Variants in DGKH observed in about 807,000 individuals in gnomAD.
The protein encoded by DGKH is DAG kinase eta.
A neutral mutation model predicts 159.3 loss-of-function variants in DGKH; 90 were observed. The observed-to-expected ratio is 0.57, with a 90% CI of 0.48 to 0.67. The LOEUF (loss-of-function observed/expected upper bound fraction) is 0.67. Among genes scored for constraint, DGKH ranks in the 30% least tolerant of loss-of-function variants. The pLI is 0.00. For synonymous variants in DGKH, 536 were observed against 553.8 expected (o/e 0.97, Z 0.45); for missense variants, 1,181 against 1,506.1 (o/e 0.78, Z 3.57).
rs560264182 is a variant in DGKH, at chr13:42,171,320, G to C, written c.1367+2502G>C. On this transcript the variant is annotated intron_variant, in intron 11 of 29. Coordinates refer to ENST00000337343, the MANE Select transcript of DGKH (RefSeq NM_178009.5). ...TAAACTGCAATCCCTGCTCTGTCTAGTGTCCAGGGTCCTTTCTCAACTCTG... is the reference window on the plus strand; with the variant it reads ...TAAACTGCAATCCCTGCTCTGTCTACTGTCCAGGGTCCTTTCTCAACTCTG... 2.0e-5 allele frequency among the ~76,000 whole-genome samples: 3 copies of C among 152,226 alleles called. No homozygotes were observed. In the South Asian group the frequency reaches 6.2e-4, roughly 32 times the overall value.
intron 14 of DGKH, among the ~76,000 whole-genome samples, chr13:42,187,767 C>T (rs893268696): frequency 6.6e-6 from 1 of 152,186 alleles, no homozygotes; most frequent in Admixed American, 6.5e-5. Flanking sequence ...TTTCCATTTC[C>T]AAGCAGATTT....
intron 1 of DGKH, among the ~76,000 whole-genome samples, chr13:42,049,187 AGGGGTGGGGCG>A (rs1881060888): frequency 8.1e-4 from 1 of 1,232 alleles, no homozygotes; most frequent in East Asian, 0.036. Flanking sequence ...CGGGGCGGGG[AGGGGTGGGGCG>A]GGGCCCGGGG....
chr13:42,249,273 C>A (rs1216869336), intron 29 of DGKH, among the ~76,000 whole-genome samples: 2 of 152,058 alleles, frequency 1.3e-5, no homozygotes, highest in African/African-American at 4.8e-5. Context: ...ACTAGAGAGG[C>A]TAAGGTGGGA....
intron 1 of DGKH, among the ~76,000 whole-genome samples, chr13:42,040,564 C>T (rs962777980): frequency 2.0e-5 from 3 of 151,148 alleles, no homozygotes; most frequent in African/African-American, 7.3e-5. Context: ...GAGGAAGGAG[C>T]GAGGGGCGGA....
chr13:42,196,845 G>A (rs956195985), intron 17 of DGKH, among the ~76,000 whole-genome samples: 1 of 152,172 alleles, frequency 6.6e-6, no homozygotes, highest in Non-Finnish European at 1.5e-5. Flanking sequence ...AAACAAACTG[G>A]TTCTGGAAAG....
In DGKH at chr13:42,249,825, G is replaced by A. The variant is rs574233005; in HGVS notation, n.4055-2584G>A. On this transcript the variant is annotated intron_variant and non_coding_transcript_variant, in intron 29 of 30. Transcript: ENST00000498255. Reference sequence around the variant, plus strand: ...AAAAAAGTTTTCAGGAACCACCCTGGACCTACACAACTAGAATCTCTTGGG... The same window carrying A: ...AAAAAAGTTTTCAGGAACCACCCTGAACCTACACAACTAGAATCTCTTGGG... Among the ~76,000 whole-genome samples the A allele has an allele frequency of 1.1e-3, 160 of 152,066 alleles. 1 individual carries two copies. Among genetic ancestry groups the A allele is most frequent in the Middle Eastern group, 6.8e-3 (2 of 294 alleles).
At chr13:42,057,274 G>A (rs1444039632) in intron 1 of DGKH, among the ~76,000 whole-genome samples, 1 of 151,970 alleles carries the variant, frequency 6.6e-6, no homozygotes, top group East Asian at 1.9e-4. Context: ...ACATATTTGA[G>A]GAAAAAATAT....
chr13:42,150,809 C>A (rs1415044466), intron 3 of DGKH, among the ~76,000 whole-genome samples: 1 of 152,032 alleles, frequency 6.6e-6, no homozygotes, highest in Non-Finnish European at 1.5e-5. Flanking sequence ...ATGTTCACAT[C>A]CTAATCCCTG....
upstream of DGKH, among the ~76,000 whole-genome samples, chr13:42,047,307 G>T (rs145593708): frequency 3.9e-5 from 6 of 152,050 alleles, no homozygotes; most frequent in East Asian, 1.2e-3. Context: ...CAAATTTCTT[G>T]TTGGGAGTAA....
chr13:42,101,863 T>C (rs958692039), intron 1 of DGKH, among the ~76,000 whole-genome samples: 3 of 152,156 alleles, frequency 2.0e-5, no homozygotes, highest in African/African-American at 7.2e-5. Context: ...GGATCTGTTG[T>C]AGACATTGGA....
intron 13 of DGKH, among the ~76,000 whole-genome samples, chr13:42,186,268 A>T (rs574751352): frequency 2.6e-5 from 4 of 152,328 alleles, no homozygotes; most frequent in African/African-American, 9.6e-5. Flanking sequence ...CCTTGGCTTT[A>T]AAAAAGCTGG....
Position 42,221,260 on chromosome 13 carries a change from G to A in DGKH, c.3443-4G>A. 1 of 1,613,084 alleles carries A rather than the reference G, an allele frequency of 6.2e-7. No individual in the cohort carries two copies. The highest frequency in any genetic ancestry group is 8.5e-7 in the Non-Finnish European group (1 of 1,179,376). On this transcript the variant is annotated splice_region_variant and splice_polypyrimidine_tract_variant and intron_variant, in intron 28 of 29. Transcript: ENST00000337343. The stretch of plus-strand genomic sequence containing the variant: ...TAAGGGGGTTTTGCTCTTAACTTTG[G>A]TAGTTCAGAAATGGGGCACAGAGGA...
At chr13:42,247,636 T>C (rs1958592024), downstream of DGKH, among the ~76,000 whole-genome samples, 1 of 152,222 alleles carries the variant, frequency 6.6e-6, no homozygotes, top group Non-Finnish European at 1.5e-5. Flanking sequence ...ATTGTTATCA[T>C]AGGAGATGAC....
intron 1 of DGKH, among the ~76,000 whole-genome samples, chr13:42,088,097 T>G (rs1005064390): frequency 5.3e-5 from 8 of 152,134 alleles, no homozygotes; most frequent in African/African-American, 1.9e-4. Flanking sequence ...CTATGACAGA[T>G]AGAAGACAAT....
Position 42,121,113 on chromosome 13 carries a change from C to T in DGKH, c.193-6350C>T, listed in dbSNP as rs559831345. Among the ~76,000 whole-genome samples, 761 of 139,180 alleles carry T rather than the reference C, an allele frequency of 5.5e-3. 4 individuals are homozygous for T. The highest frequency in any genetic ancestry group is 0.019 in the African/African-American group (705 of 38,006). The allele number at this position is 139,180 out of a possible 152,430, so 91.3% of individuals were successfully genotyped here. On this transcript the variant is annotated intron_variant, in intron 1 of 29. Coordinates refer to ENST00000337343, the MANE Select transcript of DGKH (RefSeq NM_178009.5). ...CACAACATGCGCACACACACACACA[C>T]GCACACAAGACATTCCCTGACTTAC... is the stretch of plus-strand genomic sequence containing the variant.
intron 25 of DGKH, among the ~76,000 whole-genome samples, chr13:42,214,921 G>C (rs954142096): frequency 6.6e-6 from 1 of 150,644 alleles, no homozygotes; most frequent in Admixed American, 6.6e-5. Context: ...CTTACCTTCT[G>C]CCCTGTACCT....
downstream of DGKH, among the ~76,000 whole-genome samples, chr13:42,244,374 A>G (rs1313171591): frequency 6.6e-6 from 1 of 152,238 alleles, no homozygotes; most frequent in African/African-American, 2.4e-5. Flanking sequence ...CGGAGAATGA[A>G]TGAAGCCACC....
intron 1 of DGKH, among the ~76,000 whole-genome samples, chr13:42,101,350 A>G (rs1378137185): frequency 6.6e-6 from 1 of 152,244 alleles, no homozygotes; most frequent in Non-Finnish European, 1.5e-5. Context: ...AGAACTAGGA[A>G]TAAACCATTT....
chr13:42,149,149 A>C (rs1269587621), intron 3 of DGKH, among the ~76,000 whole-genome samples: 2 of 151,940 alleles, frequency 1.3e-5, no homozygotes, highest in African/African-American at 4.8e-5. Flanking sequence ...GGCTGGTCTC[A>C]AACTTCTGGC....
Sources: allele counts gnomAD v4.1 joint callset (sites outside exome capture counted in the v4.1 genomes callset), GRCh38; gene constraint gnomAD v4.1.1; transcripts MANE v1.5; gene names NCBI Gene and HGNC (gene_info 2026-07-23, HGNC 2026-07-21).